Variants in COL11A1 observed in about 807,000 individuals in gnomAD.
COL11A1 encodes the protein collagen alpha-1(XI) chain.
In COL11A1, 74 loss-of-function variants were observed where a neutral mutation model predicts 265.2. The ratio of observed to expected loss-of-function variants is 0.28; its 90% CI spans 0.23 to 0.34. COL11A1 has a LOEUF of 0.34. COL11A1 is among the 10% of genes least tolerant of loss of function. COL11A1 has a pLI of 1.00. For synonymous variants in COL11A1, 816 were observed against 727.6 expected (o/e 1.12, Z -1.96); for missense variants, 2,165 against 2,263.6 (o/e 0.96, Z 0.88).
At chr1:102,890,300 C>T in intron 58 of COL11A1, 151 bp downstream of exon 58, 2 of 673,726 alleles carry the variant, frequency 3.0e-6, no homozygotes, top group East Asian at 2.8e-5. Context: ...CCTCTACATA[C>T]ATCTGGGAAG....
rs373825698 is a variant in COL11A1 at position 102,991,049 on chromosome 1, AAAAC to A, written c.2341-1482_2341-1479del. Among the ~76,000 whole-genome samples the A allele has an allele frequency of 1.2e-4, 18 of 152,184 alleles. No individual in the cohort carries two copies. The East Asian group carries it at 1.5e-3, about 13-fold the overall frequency. On this transcript the variant is annotated intron_variant, in intron 28 of 66. Coordinates refer to ENST00000370096, the MANE Select transcript of COL11A1 (RefSeq NM_001854.4). ...CTCCATCTCAAAAACAAAACAAAAC[AAAAC>A]AAACAAACAACTGAAAGTGGGACAT...
chr1:102,957,957 T>C (rs942811034), intron 41 of COL11A1, among the ~76,000 whole-genome samples: 1 of 152,128 alleles, frequency 6.6e-6, no homozygotes, highest in African/African-American at 2.4e-5. Flanking sequence ...TTCCCTTTTC[T>C]ATTTCCTTTA....
At chr1:102,960,187 G>A (rs2101555456) in intron 41 of COL11A1, among the ~76,000 whole-genome samples, 1 of 152,102 alleles carries the variant, frequency 6.6e-6, no homozygotes, top group South Asian at 2.1e-4. Context: ...CCATAATTAT[G>A]TCAATGGTTG....
At chr1:102,884,018 T>C (rs943680839) in intron 63 of COL11A1, among the ~76,000 whole-genome samples, 5 of 152,198 alleles carry the variant, frequency 3.3e-5, no homozygotes, top group African/African-American at 1.2e-4. Flanking sequence ...ATTCTTTAGA[T>C]AACTGACAAT....
Position 103,021,972 on chromosome 1 carries a change from G to A in COL11A1, c.1246-203C>T, listed in dbSNP as rs183152346. ...CGCCATTCTCCTGCCTCAGCCTCCCGAGTAGCTGAGACTACAGGCGCCCGC... is the reference window on the plus strand; with the variant it reads ...CGCCATTCTCCTGCCTCAGCCTCCCAAGTAGCTGAGACTACAGGCGCCCGC... On this transcript the variant is annotated intron_variant, in intron 8 of 66. Coordinates refer to ENST00000370096, the MANE Select transcript of COL11A1 (RefSeq NM_001854.4). Among the ~76,000 whole-genome samples, 27 of 149,794 alleles carry A rather than the reference G, an allele frequency of 1.8e-4. No individual in the cohort carries two copies. In the East Asian group the frequency reaches 4.3e-3, roughly 24 times the overall value.
intron 54 of COL11A1, among the ~76,000 whole-genome samples, chr1:102,901,587 G>A (rs532951643): frequency 3.3e-5 from 5 of 152,276 alleles, no homozygotes; most frequent in Admixed American, 2.0e-4. Context: ...TTGCATAAAC[G>A]AAGGGGCAGA....
chr1:103,008,094 T>C (rs189568809), intron 15 of COL11A1, among the ~76,000 whole-genome samples: 1 of 152,276 alleles, frequency 6.6e-6, no homozygotes, highest in Admixed American at 6.5e-5. Flanking sequence ...CAATATGTTT[T>C]CAGCTTCATC....
At chr1:103,064,700 G>GAAA (rs59331849) in intron 4 of COL11A1, among the ~76,000 whole-genome samples, 11 of 123,396 alleles carry the variant, frequency 8.9e-5, no homozygotes, top group Admixed American at 1.7e-4. Flanking sequence ...AAAAAAAAAA[G>GAAA]AAAAAAAAAA....
intron 41 of COL11A1, among the ~76,000 whole-genome samples, chr1:102,959,501 C>T (rs945040100): frequency 6.6e-6 from 1 of 152,172 alleles, no homozygotes; most frequent in Admixed American, 6.5e-5. Context: ...TCTCTTTCTA[C>T]CTCCCTCATA....
intron 36 of COL11A1, 75 bp from the exon 37 acceptor site, chr1:102,970,347 A>C (rs1014853314): frequency 8.2e-7 from 1 of 1,221,100 alleles, no homozygotes; most frequent in African/African-American, 1.5e-5. Context: ...ACATGTTAGA[A>C]AATTTTCTTT....
intron 4 of COL11A1, among the ~76,000 whole-genome samples, chr1:103,044,369 A>G (rs1669080958): frequency 6.6e-6 from 1 of 152,096 alleles, no homozygotes; most frequent in Non-Finnish European, 1.5e-5. Context: ...CAGCCCTTGT[A>G]TTGCGCAGAA....
chr1:103,019,285 C>G (rs1040104883), intron 9 of COL11A1, among the ~76,000 whole-genome samples: 4 of 151,826 alleles, frequency 2.6e-5, no homozygotes, highest in Admixed American at 6.6e-5. Flanking sequence ...CACTTTAATT[C>G]AGGGAAATTA....
intron 11 of COL11A1, among the ~76,000 whole-genome samples, chr1:103,016,925 G>A (rs1398084450): frequency 6.6e-6 from 1 of 151,850 alleles, no homozygotes; most frequent in Non-Finnish European, 1.5e-5. Flanking sequence ...AAGGCACAGT[G>A]TAAAGAGATG....
At position 102,914,399 on chromosome 1, in the gene COL11A1, C is replaced by G; in HGVS notation, c.3931G>C (p.Val1311Leu). ...GGACCAGGATCTCCAGGAAAACCAA[C>G]AGGACCCTAGAATGACGTTTTGAAA... ...DDGPKGNPGPVGFPGDPGPPG... is the reference protein window; with the variant it reads ...DDGPKGNPGPLGFPGDPGPPG... Residue 1311 changes from valine to leucine, a missense_variant, in exon 52 of 67, where the codon GTT (valine) becomes CTT (leucine). Coordinates refer to ENST00000370096, the MANE Select transcript of COL11A1 (RefSeq NM_001854.4). 1.2e-6 allele frequency: 2 copies of G among 1,606,900 alleles called. No individual in the cohort carries two copies. The highest frequency in any genetic ancestry group is 1.7e-6 in the Non-Finnish European group (2 of 1,175,716).
intron 1 of COL11A1, among the ~76,000 whole-genome samples, chr1:103,087,765 T>A (rs1415639794): frequency 6.6e-6 from 1 of 152,218 alleles, no homozygotes; most frequent in Non-Finnish European, 1.5e-5. Context: ...CTGGGTTAGA[T>A]CTGCTAACCT....
intron 28 of COL11A1, among the ~76,000 whole-genome samples, chr1:102,993,272 T>C (rs1313144963): frequency 6.6e-6 from 1 of 152,146 alleles, no homozygotes; most frequent in Non-Finnish European, 1.5e-5. Flanking sequence ...GACTCACCAC[T>C]GTGCTCCTTT....
At chr1:103,010,582 C>T (rs1666025665) in intron 14 of COL11A1, among the ~76,000 whole-genome samples, 1 of 152,102 alleles carries the variant, frequency 6.6e-6, no homozygotes, top group African/African-American at 2.4e-5. Flanking sequence ...ATGTGCCTCC[C>T]TTGTTTCTGC....
At chr1:102,965,441 A>G in intron 38 of COL11A1, 46 bp downstream of exon 38, 1 of 1,546,614 alleles carries the variant, frequency 6.5e-7, no homozygotes. Flanking sequence ...GTTAAAATGT[A>G]AACAAAAAAT....
intron 64 of COL11A1, 24 bp downstream of exon 64, chr1:102,883,175 C>T: frequency 6.8e-7 from 1 of 1,470,394 alleles, no homozygotes; most frequent in African/African-American, 1.4e-5. Context: ...TCAACATTCA[C>T]CACCAAAACA....
Sources: allele counts gnomAD v4.1 joint callset (sites outside exome capture counted in the v4.1 genomes callset), GRCh38; gene constraint gnomAD v4.1.1; transcripts MANE v1.5; gene names NCBI Gene and HGNC (gene_info 2026-07-23, HGNC 2026-07-21).